The following CANX variants were observed in gnomAD, a reference collection of about 807,000 sequenced individuals.
CANX encodes calnexin.
CANX carries 14 observed loss-of-function variants against 75.7 expected under a neutral mutation model. The ratio of observed to expected loss-of-function variants is 0.19; its 90% CI spans 0.12 to 0.29. The LOEUF (loss-of-function observed/expected upper bound fraction) is 0.29. Among genes scored for constraint, CANX ranks in the 10% least tolerant of loss-of-function variants. The pLI is 1.00. For synonymous variants in CANX, 227 were observed against 236.9 expected (o/e 0.96, Z 0.38); for missense variants, 567 against 713.2 (o/e 0.79, Z 2.34).
chr5:179,694,688 A>C (rs1383623103), upstream of CANX: 5 of 724,838 alleles, frequency 6.9e-6, no homozygotes, highest in Non-Finnish European at 1.3e-5. Context: ...TTGATGGCTC[A>C]AAGCGTCCTG....
intron 10 of CANX, among the ~76,000 whole-genome samples, chr5:179,722,425 G>A (rs1778372239): frequency 6.6e-6 from 1 of 152,208 alleles, no homozygotes; most frequent in African/African-American, 2.4e-5. Context: ...TTATCTAGAA[G>A]TGAATTGCTG....
chr5:179,681,358 T>TG (rs1349759762), intron 1 of CANX, among the ~76,000 whole-genome samples: 72 of 152,296 alleles, frequency 4.7e-4, no homozygotes, highest in Non-Finnish European at 1.0e-4. Flanking sequence ...GAGCGTGTCA[T>TG]GGGTCAGGTT....
intron 1 of CANX, among the ~76,000 whole-genome samples, chr5:179,683,869 G>A (rs983504832): frequency 1.4e-4 from 22 of 152,044 alleles, no homozygotes; most frequent in Admixed American, 1.1e-3. Flanking sequence ...GCTTCTCGCC[G>A]CATAATTATT....
At chr5:179,711,173 T>C (rs1001682903) in intron 7 of CANX, among the ~76,000 whole-genome samples, 1 of 152,168 alleles carries the variant, frequency 6.6e-6, no homozygotes, top group Admixed American at 6.5e-5. Context: ...CCTGTAATCC[T>C]AACACTTCGG....
chr5:179,705,747 T>A lies in CANX; in HGVS notation c.66T>A (p.Asp22Glu). 6.2e-7 allele frequency: 1 copy of A among 1,608,892 alleles called. No individual in the cohort carries two copies. Among genetic ancestry groups the A allele is most frequent in the Non-Finnish European group, 8.5e-7 (1 of 1,175,204 alleles). Residue 22 changes from aspartate to glutamate, a missense_variant, in exon 2 of 15, where the codon GAT becomes GAA. Around this residue, in one of 3 missense-constraint regions of CANX, gnomAD observed 351 missense variants for 433.8 expected, o/e 0.81. Transcript: ENST00000247461. Reference protein sequence around the residue: ...VLGTAIVEAHDGHDDDVIDIE... With the variant: ...VLGTAIVEAHEGHDDDVIDIE... ...GAACTGCTATTGTTGAGGCTCATGA[T>A]GGACATGATGATGATGTGATTGATA...
chr5:179,708,483 T>C, intron 5 of CANX, 103 bp downstream of exon 5: 11 of 1,052,120 alleles, frequency 1.0e-5, no homozygotes, highest in Non-Finnish European at 1.5e-5. Flanking sequence ...ATTATATAAG[T>C]GGTGGTAGGG....
chr5:179,702,962 T>G (rs535751692), intron 1 of CANX, among the ~76,000 whole-genome samples: 1 of 152,050 alleles, frequency 6.6e-6, no homozygotes, highest in East Asian at 1.9e-4. Flanking sequence ...AGAGACAGGG[T>G]TTCTCCGTGG....
At chr5:179,695,774 C>T (rs1430494100), upstream of CANX, among the ~76,000 whole-genome samples, 12 of 152,060 alleles carry the variant, frequency 7.9e-5, no homozygotes, top group Non-Finnish European at 1.6e-4. Context: ...CCTCAGCCTC[C>T]CGAGTAGCTG....
intron 1 of CANX, among the ~76,000 whole-genome samples, chr5:179,689,927 T>C (rs1390273984): frequency 2.0e-5 from 3 of 152,144 alleles, no homozygotes; most frequent in African/African-American, 7.2e-5. Context: ...TCAATGTCAC[T>C]GAAAAGATGA....
chr5:179,722,947 T>A lies in CANX; in HGVS notation c.1326T>A (p.Ala442=). ...DIFFDNFIIC[A]DRRIVDDWAN... is the part of the protein sequence containing the mutation. ...TTTTTGACAACTTTATCATTTGTGC[T>A]GATCGAAGAATAGTTGATGATTGGG... Residue 442 remains alanine (A), a synonymous_variant, in exon 11 of 15, where the codon GCT becomes GCA. Transcript: ENST00000247461. The A allele has an allele frequency of 6.2e-7, 1 of 1,614,218 alleles. No homozygotes were observed.
chr5:179,697,439 T>C (rs779193322), upstream of CANX, among the ~76,000 whole-genome samples: 2 of 152,212 alleles, frequency 1.3e-5, no homozygotes, highest in Non-Finnish European at 2.9e-5. Context: ...TTCTCCATAG[T>C]ACCACAGTCT....
intron 9 of CANX, among the ~76,000 whole-genome samples, chr5:179,720,076 C>G (rs531691926): frequency 3.7e-4 from 56 of 152,298 alleles, no homozygotes; most frequent in African/African-American, 1.3e-3. Flanking sequence ...AGTGATCTGT[C>G]TGCCTTGGCC....
At position 179,690,207 on chromosome 5, in the gene CANX, G is replaced by A. The variant is rs1021185463; in HGVS notation, c.-4+11430G>A. ...TTTTCCCCATGGAAATTTCAGTCTG[G>A]CTTCTGTGATAGTCTGTTAGTGACA... On this transcript the variant is annotated intron_variant, in intron 1 of 14. Transcript: ENST00000681674. Among the ~76,000 whole-genome samples, 3 of 152,282 alleles carry A rather than the reference G, an allele frequency of 2.0e-5. No individual in the cohort carries two copies. In the East Asian group the frequency reaches 5.8e-4, roughly 29 times the overall value.
intron 11 of CANX, 40 bp from the exon 12 acceptor site, chr5:179,723,620 A>G (rs764266311): frequency 1.0e-5 from 16 of 1,605,846 alleles, no homozygotes; most frequent in Non-Finnish European, 8.5e-6. Flanking sequence ...GTTTGGTGTC[A>G]AAAGCTGGAA....
intron 1 of CANX, among the ~76,000 whole-genome samples, chr5:179,680,474 T>A (rs563955647): frequency 3.3e-5 from 5 of 152,232 alleles, no homozygotes; most frequent in Admixed American, 3.3e-4. Flanking sequence ...TAATCCAGCT[T>A]GGAAGACAGA....
chr5:179,714,458 A>G (rs1777788479), intron 7 of CANX, among the ~76,000 whole-genome samples: 1 of 152,200 alleles, frequency 6.6e-6, no homozygotes, highest in Non-Finnish European at 1.5e-5. Context: ...ATTTGTCAAT[A>G]TGTGTATATA....
At chr5:179,684,924 GTATTTTTTTTTTTTTTTT>G (rs968739273) in intron 1 of CANX, among the ~76,000 whole-genome samples, 8 of 28,984 alleles carry the variant, frequency 2.8e-4, no homozygotes, top group Non-Finnish European at 4.7e-4. Flanking sequence ...GGCTAATTTT[GTATTTTTTTTTTTTTTTT>G]TTTTTTTTTT....
At chr5:179,685,132 C>G (rs1776167643) in intron 1 of CANX, among the ~76,000 whole-genome samples, 1 of 150,662 alleles carries the variant, frequency 6.6e-6, no homozygotes, top group Non-Finnish European at 1.5e-5. Flanking sequence ...AGAGTCTCGC[C>G]CTGTCACCCA....
chr5:179,690,360 G>C (rs1055935417), intron 1 of CANX, among the ~76,000 whole-genome samples: 1 of 150,128 alleles, frequency 6.7e-6, no homozygotes, highest in African/African-American at 2.5e-5. Context: ...TGGATCACCT[G>C]AGGTCAGGAG....
Sources: allele counts gnomAD v4.1 joint callset (sites outside exome capture counted in the v4.1 genomes callset), GRCh38; gene constraint gnomAD v4.1.1; regional missense constraint gnomAD v4.1.1; transcripts MANE v1.5; gene names NCBI Gene and HGNC (gene_info 2026-07-23, HGNC 2026-07-21).